LRRC53: variants seen among roughly 807,000 people sequenced by gnomAD.
LRRC53 encodes the protein leucine rich repeat containing 53, also known as leucine-rich repeat-containing protein 53.
LRRC53 carries 25 observed loss-of-function variants against 13.6 expected under a neutral mutation model. That is an observed-to-expected ratio of 1.83 (90% confidence interval 1.34 to 2.56). LRRC53 has a LOEUF of 2.56. Among genes scored for constraint, LRRC53 ranks in the 30% most tolerant of loss-of-function variants. The pLI is 0.00. For missense variants in LRRC53, 527 were observed against 275.8 expected, an observed-to-expected ratio of 1.91 and a Z score of -6.45; for synonymous variants, 204 against 109.8, an observed-to-expected ratio of 1.86 and a Z score of -5.37.
chr1:74,489,455 C>A (rs555003733), intron 1 of LRRC53, among the ~76,000 whole-genome samples: 1 of 152,130 alleles, frequency 6.6e-6, no homozygotes, highest in South Asian at 2.1e-4. Context: ...GAATTCGAGA[C>A]CTTCCAACAA....
At chr1:74,478,502 G>T (rs112403436) in intron 3 of LRRC53, among the ~76,000 whole-genome samples, 42 of 151,978 alleles carry the variant, frequency 2.8e-4, no homozygotes, top group Non-Finnish European at 4.7e-4. Context: ...ACTAAAAATT[G>T]CTCTATTATA....
intron 1 of LRRC53, among the ~76,000 whole-genome samples, chr1:74,506,803 CT>C (rs1669927358): frequency 6.6e-6 from 1 of 151,888 alleles, no homozygotes; most frequent in Non-Finnish European, 1.5e-5. Context: ...GATTTTTTTC[CT>C]TCTCCAAGGT....
chr1:74,533,912 A>G, the LRRC53 span, among the ~76,000 whole-genome samples: 1 of 152,306 alleles, frequency 6.6e-6, no homozygotes, highest in South Asian at 2.1e-4. Context: ...TAGAAAGAGT[A>G]TGGAATGAAA....
chr1:74,480,317 T>A lies in LRRC53; in HGVS notation c.740A>T (p.Asn247Ile), dbSNP rs758506545. The change falls in exon 3 of 5, where the codon AAT (asparagine) becomes ATT (isoleucine). Residue 247 changes from asparagine (N) to isoleucine (I), a missense_variant. By Grantham distance (149) the Asn-to-Ile change is moderately radical (BLOSUM62 -3). Coordinates refer to ENST00000294635, the MANE Select transcript of LRRC53 (RefSeq NM_001382280.1). ...CACAGCTGCGGTAGATGGCTGGCAA[T>A]TTAGGTCCTTGGCATTCCTGAGCGT... ...AHTLRNAKDLNCQPSTAAVAA... is the reference protein window; with the variant it reads ...AHTLRNAKDLICQPSTAAVAA... 1 of 717,778 alleles carries A rather than the reference T, an allele frequency of 1.4e-6. No homozygotes were observed. Among genetic ancestry groups the A allele is most frequent in the Non-Finnish European group, 2.6e-6 (1 of 385,164 alleles). The allele number at this position is 717,778 out of a possible 1,614,324, so 44.5% of individuals were successfully genotyped here.
In LRRC53 at chr1:74,480,727, CTGCAGGCTGTGAAGCT is replaced by C; in HGVS notation, c.314_329del (p.Lys105ArgfsTer5). On this transcript the variant is annotated frameshift_variant, in exon 3 of 5. Transcript: ENST00000294635. LOFTEE classifies it high-confidence loss of function. ...GAGCATTATTGCTCAGCACCAGTACCTGCAGGCTGTGAAGCTTGCTGAAGGTGTGATCAGTGAGCGA... is the reference window on the plus strand; with the variant it reads ...GAGCATTATTGCTCAGCACCAGTACCTGCTGAAGGTGTGATCAGTGAGCGA... 1 of 717,504 alleles carries C rather than the reference CTGCAGGCTGTGAAGCT, an allele frequency of 1.4e-6. No homozygotes were observed. Among genetic ancestry groups the C allele is most frequent in the Non-Finnish European group, 2.6e-6 (1 of 385,104 alleles). The allele number at this position is 717,504 out of a possible 1,614,324, so 44.4% of individuals were successfully genotyped here. A position where few individuals can be genotyped will look rare whatever the true frequency, so the allele number is the denominator to read the frequency against.
chr1:74,481,762 T>A (rs1668517441), intron 2 of LRRC53, among the ~76,000 whole-genome samples: 1 of 152,202 alleles, frequency 6.6e-6, no homozygotes, highest in African/African-American at 2.4e-5. Flanking sequence ...AGAAGTATTA[T>A]AATCAGGAGT....
chr1:74,525,844 C>T, the LRRC53 span, among the ~76,000 whole-genome samples: 1 of 152,178 alleles, frequency 6.6e-6, no homozygotes, highest in Non-Finnish European at 1.5e-5. Context: ...AGAGGCATCA[C>T]AGCACATCAC....
upstream of LRRC53, among the ~76,000 whole-genome samples, chr1:74,514,690 T>G (rs116653424): frequency 0.014 from 2,070 of 152,236 alleles, 40 homozygotes; most frequent in African/African-American, 0.045. Context: ...AAGCCATGTG[T>G]GCTCTTTTTA....
At chr1:74,496,844 G>C (rs1282989334) in intron 1 of LRRC53, among the ~76,000 whole-genome samples, 1 of 152,144 alleles carries the variant, frequency 6.6e-6, no homozygotes, top group African/African-American at 2.4e-5. Flanking sequence ...ATCCCATCTT[G>C]TACATGGATT....
chr1:74,477,173 TA>T (rs1270703683), intron 3 of LRRC53, among the ~76,000 whole-genome samples: 1 of 152,084 alleles, frequency 6.6e-6, no homozygotes, highest in Non-Finnish European at 1.5e-5. Flanking sequence ...AAGAATATAT[TA>T]AAAAATTAAA....
chr1:74,506,677 T>A (rs1402747503), intron 1 of LRRC53, among the ~76,000 whole-genome samples: 2 of 152,226 alleles, frequency 1.3e-5, no homozygotes, highest in Non-Finnish European at 2.9e-5. Flanking sequence ...CTGCCGAATC[T>A]GCATTTTAAC....
the LRRC53 span, among the ~76,000 whole-genome samples, chr1:74,536,055 G>T: frequency 6.6e-6 from 1 of 152,122 alleles, no homozygotes; most frequent in Non-Finnish European, 1.5e-5. Context: ...GAAAACTTCT[G>T]TTTAAATCAT....
intron 1 of LRRC53, among the ~76,000 whole-genome samples, chr1:74,484,692 A>G (rs1668663885): frequency 6.6e-6 from 1 of 152,094 alleles, no homozygotes; most frequent in African/African-American, 2.4e-5. Flanking sequence ...TGATGACCAG[A>G]GTGGAGTGTG....
chr1:74,476,623 G>T (rs1258005531), intron 3 of LRRC53, among the ~76,000 whole-genome samples: 1 of 152,040 alleles, frequency 6.6e-6, no homozygotes, highest in Admixed American at 6.6e-5. Context: ...TTCTGATAAT[G>T]AAATCATTGG....
intron 1 of LRRC53, among the ~76,000 whole-genome samples, chr1:74,504,934 C>G (rs74599296): frequency 3.3e-5 from 5 of 152,144 alleles, no homozygotes; most frequent in Non-Finnish European, 5.9e-5. Context: ...AGAGAACCTG[C>G]GAAGATTCGC....
rs199985039 is a variant in LRRC53 at position 74,476,845 on chromosome 1, TAAATG to T, written c.905-1040_905-1036del. On this transcript the variant is annotated intron_variant, in intron 3 of 4. Transcript: ENST00000294635. Reference sequence around the variant, plus strand: ...TTAATGAAAACATATTTTTAAAACTTAAATGAAAAGGGAGGGTATCAGGTCATGAT... The same window carrying T: ...TTAATGAAAACATATTTTTAAAACTTAAAAGGGAGGGTATCAGGTCATGAT... Among the ~76,000 whole-genome samples, 922 of 152,244 alleles carry T rather than the reference TAAATG, an allele frequency of 6.1e-3. 12 individuals are homozygous for T. The highest frequency in any genetic ancestry group is 0.021 in the African/African-American group (855 of 41,552).
At chr1:74,485,577 C>A (rs1668716132) in intron 1 of LRRC53, among the ~76,000 whole-genome samples, 1 of 152,096 alleles carries the variant, frequency 6.6e-6, no homozygotes, top group South Asian at 2.1e-4. Context: ...GTGGGCAGAA[C>A]CTGTGAATAT....
At chr1:74,511,237 G>A (rs1260003519) in intron 1 of LRRC53, among the ~76,000 whole-genome samples, 1 of 150,844 alleles carries the variant, frequency 6.6e-6, no homozygotes, top group Non-Finnish European at 1.5e-5. Context: ...TTATTGCCCA[G>A]GCTGGAGTGC....
At chr1:74,536,841 A>G in the LRRC53 span, among the ~76,000 whole-genome samples, 4 of 152,156 alleles carry the variant, frequency 2.6e-5, no homozygotes, top group African/African-American at 9.7e-5. Flanking sequence ...TGAATTCCTG[A>G]GGCAGCTGCA....
Sources: gnomAD v4.1 joint callset for allele counts (sites outside exome capture counted in the v4.1 genomes callset) on GRCh38, gnomAD v4.1.1 for gene constraint, MANE v1.5 for transcripts, NCBI Gene and HGNC (gene_info 2026-07-23, HGNC 2026-07-21) for gene names.